Variants in CACNA1D observed in about 807,000 individuals in gnomAD.
The protein encoded by CACNA1D is calcium voltage-gated channel subunit alpha1 D.
A neutral mutation model predicts 257.1 loss-of-function variants in CACNA1D; 55 were observed. The ratio of observed to expected loss-of-function variants is 0.21; its 90% CI spans 0.17 to 0.27. The LOEUF is 0.27. CACNA1D is among the 10% of genes least tolerant of loss of function. The pLI is 1.00. For missense variants in CACNA1D, 1,876 were observed against 2,784.0 expected (o/e 0.67, Z 7.34); for synonymous variants, 980 against 1,014.9 (o/e 0.97, Z 0.65).
At chr3:53,747,519 G>A in intron 26 of CACNA1D, 71 bp downstream of exon 26, 1 of 1,487,216 alleles carries the variant, frequency 6.7e-7, no homozygotes, top group Non-Finnish European at 9.4e-7. Flanking sequence ...CCCTCCTGGA[G>A]TCAGTCCCAT....
At chr3:53,732,187 G>T (rs2095000762) in intron 18 of CACNA1D, 105 bp downstream of exon 18, 2 of 827,438 alleles carry the variant, frequency 2.4e-6, no homozygotes, top group South Asian at 1.4e-5. Flanking sequence ...GCGTGCACAT[G>T]AGCTGCTGAG....
intron 4 of CACNA1D, among the ~76,000 whole-genome samples, chr3:53,657,635 T>G (rs2094161398): frequency 6.6e-6 from 1 of 152,232 alleles, no homozygotes; most frequent in Admixed American, 6.5e-5. Flanking sequence ...CAGATTATTT[T>G]TTATCTAAAA....
At chr3:53,571,318 A>G (rs1339292975) in intron 3 of CACNA1D, among the ~76,000 whole-genome samples, 1 of 152,210 alleles carries the variant, frequency 6.6e-6, no homozygotes, top group African/African-American at 2.4e-5. Context: ...GAGATTCAGG[A>G]TTCAGACACA....
intron 3 of CACNA1D, among the ~76,000 whole-genome samples, chr3:53,520,669 A>T (rs1338933631): frequency 2.0e-5 from 3 of 152,062 alleles, no homozygotes; most frequent in African/African-American, 4.8e-5. Context: ...GGGAGGTTCA[A>T]GCCGGAGAAT....
intron 20 of CACNA1D, among the ~76,000 whole-genome samples, chr3:53,739,620 T>A (rs1401156790): frequency 2.0e-5 from 3 of 151,960 alleles, no homozygotes; most frequent in African/African-American, 4.8e-5. Context: ...CAAGGTTTTT[T>A]AAAAAAAACC....
intron 3 of CACNA1D, among the ~76,000 whole-genome samples, chr3:53,585,723 G>C (rs2093203422): frequency 6.6e-6 from 1 of 152,098 alleles, no homozygotes; most frequent in Non-Finnish European, 1.5e-5. Context: ...GCTCCACCTG[G>C]GGAGGGGCTA....
Position 53,751,959 on chromosome 3 carries a change from C to T in CACNA1D, c.3675+52C>T, listed in dbSNP as rs367716957. 2.1e-4 allele frequency: 337 copies of T among 1,568,448 alleles called. 1 individual carries two copies. Among genetic ancestry groups the T allele is most frequent in the Non-Finnish European group, 2.7e-4 (305 of 1,138,690 alleles). On this transcript the variant is annotated intron_variant, in intron 28 of 47. Transcript: ENST00000350061. The surrounding 1 kb of genome is among the most constrained non-coding windows in gnomAD (Gnocchi z 4.3). ...CAGGTCCGGGCATTCCGCACAGCCC[C>T]GTGCCCCAAATGCTGAGGGTGGAAT... is the stretch of plus-strand genomic sequence containing the variant.
At chr3:53,538,962 C>G (rs139958922) in intron 3 of CACNA1D, among the ~76,000 whole-genome samples, 32 of 152,314 alleles carry the variant, frequency 2.1e-4, no homozygotes, top group African/African-American at 7.7e-4. Context: ...TCCCACTTCC[C>G]TCAGTCACCA....
chr3:53,691,267 G>A (rs144073304), intron 8 of CACNA1D, among the ~76,000 whole-genome samples: 3,334 of 151,894 alleles, frequency 0.022, 126 homozygotes, highest in African/African-American at 0.076. Flanking sequence ...AGCCTCCCAA[G>A]TAGTTGGGAT....
Position 53,495,117 on chromosome 3 carries a change from C to A in CACNA1D, c.-50C>A. On this transcript the variant is annotated 5_prime_UTR_variant, in exon 1 of 48. Coordinates refer to ENST00000350061, the MANE Select transcript of CACNA1D (RefSeq NM_001128840.3). This position sits in a 1 kb window ranked among gnomAD's most constrained non-coding sequence, Gnocchi z 5.1. ...CTTCCCCATTCCGCCCCCGCCTCAA[C>A]GCCCAGCACAGTGCCCTGCACACAG... 111 of 1,298,034 alleles carry A rather than the reference C, an allele frequency of 8.6e-5. No individual in the cohort carries two copies. Among genetic ancestry groups the A allele is most frequent in the Non-Finnish European group, 1.1e-4 (102 of 914,298 alleles). The allele number at this position is 1,298,034 out of a possible 1,614,324, so 80.4% of individuals were successfully genotyped here.
chr3:53,690,365 A>G (rs1275605137), intron 8 of CACNA1D, among the ~76,000 whole-genome samples: 3 of 152,256 alleles, frequency 2.0e-5, no homozygotes, highest in South Asian at 2.1e-4. Flanking sequence ...ACAATGGGAT[A>G]CAGAGGCTTC....
chr3:53,657,370 C>G (rs1393011660), intron 4 of CACNA1D, among the ~76,000 whole-genome samples: 2 of 151,682 alleles, frequency 1.3e-5, no homozygotes, highest in Non-Finnish European at 2.9e-5. Context: ...ACTGGATACT[C>G]AAGGCTGAGC....
chr3:53,660,013 T>TTTTA, intron 4 of CACNA1D, 120 bp from the exon 5 acceptor site: 1 of 879,822 alleles, frequency 1.1e-6, no homozygotes, highest in East Asian at 2.7e-5. Flanking sequence ...TTTGTCTTCC[T>TTTTA]TTTATTTAAG....
chr3:53,608,853 C>T (rs564188177), intron 3 of CACNA1D, among the ~76,000 whole-genome samples: 30 of 152,200 alleles, frequency 2.0e-4, no homozygotes, highest in African/African-American at 6.7e-4. Context: ...GGTGCCTTAT[C>T]CTTTTGATAT....
rs779549091 is a variant in CACNA1D at position 53,811,315 on chromosome 3, A to G, written c.6395A>G (p.Asp2132Gly). The G allele has an allele frequency of 2.1e-5, 34 of 1,612,246 alleles. No individual in the cohort carries two copies. In the Admixed American group the frequency reaches 5.7e-4, roughly 27 times the overall value. ...LSHRQDYELQ[D>G]FGPGYSDEEP... Reference sequence around the variant, plus strand: ...CACCGGCAGGACTATGAGCTACAGGACTTTGGTCCTGGCTACAGCGACGAA... The same window carrying G: ...CACCGGCAGGACTATGAGCTACAGGGCTTTGGTCCTGGCTACAGCGACGAA... Residue 2132 changes from aspartate to glycine, a missense_variant, in exon 48 of 48, where the codon GAC becomes GGC. Asp to Gly is a moderately conservative substitution (Grantham distance 94). This residue lies in a region of CACNA1D where 491 missense variants were observed against 554.3 expected (regional missense o/e 0.89). Coordinates refer to ENST00000350061, the MANE Select transcript of CACNA1D (RefSeq NM_001128840.3). This position sits in a 1 kb window ranked among gnomAD's most constrained non-coding sequence, Gnocchi z 4.2.
intron 10 of CACNA1D, 187 bp downstream of exon 10, chr3:53,718,575 A>G (rs566609831): frequency 2.6e-6 from 1 of 383,348 alleles, no homozygotes. Context: ...ACACCTCCCC[A>G]CCCCCCGCCC....
chr3:53,503,099 T>G (rs1349825553), intron 3 of CACNA1D, among the ~76,000 whole-genome samples: 2 of 152,222 alleles, frequency 1.3e-5, no homozygotes, highest in Non-Finnish European at 2.9e-5. Flanking sequence ...TCATGTTACA[T>G]TTAAAATGTT....
intron 3 of CACNA1D, among the ~76,000 whole-genome samples, chr3:53,597,699 G>T (rs896399821): frequency 6.6e-6 from 1 of 152,166 alleles, no homozygotes; most frequent in Non-Finnish European, 1.5e-5. Flanking sequence ...GGCACAGGTC[G>T]CTTCATGAGT....
intron 3 of CACNA1D, among the ~76,000 whole-genome samples, chr3:53,532,835 C>T (rs2091992615): frequency 6.6e-6 from 1 of 152,188 alleles, no homozygotes; most frequent in South Asian, 2.1e-4. Flanking sequence ...CCCCGCTCTC[C>T]TTTTATCCAG....
Sources: allele counts gnomAD v4.1 joint callset (sites outside exome capture counted in the v4.1 genomes callset), GRCh38; gene constraint gnomAD v4.1.1; regional missense constraint gnomAD v4.1.1; non-coding constraint Gnocchi (gnomAD v3.1); transcripts MANE v1.5; gene names NCBI Gene and HGNC (gene_info 2026-07-23, HGNC 2026-07-21).